RNF212: variants seen among roughly 807,000 people sequenced by gnomAD.
RNF212 encodes the protein ring finger protein 212.
Under a neutral mutation model 34.7 loss-of-function variants are expected in RNF212, and 33 were observed. The ratio of observed to expected loss-of-function variants is 0.95; its 90% confidence interval spans 0.72 to 1.27. The LOEUF (loss-of-function observed/expected upper bound fraction) is 1.27. RNF212 is among the 50% of genes most tolerant of loss of function. RNF212 has a pLI of 0.00. For missense variants in RNF212, 377 were observed against 362.2 expected, an observed-to-expected ratio of 1.04 and a Z score of -0.33; for synonymous variants, 140 against 136.1, an observed-to-expected ratio of 1.03 and a Z score of -0.20.
At chr4:1,103,473 G>A (rs954566728) in intron 2 of RNF212, among the ~76,000 whole-genome samples, 1 of 152,176 alleles carries the variant, frequency 6.6e-6, no homozygotes, top group Non-Finnish European at 1.5e-5. Context: ...GCTCTCATAT[G>A]AACATAGGTG....
Position 1,073,003 on chromosome 4 carries a change from T to C in RNF212, c.765A>G (p.Ile255Met). Residue 255 changes from isoleucine to methionine, a missense_variant, in exon 10 of 10, where the codon ATA (isoleucine) becomes ATG (methionine). Transcript: ENST00000433731. ...GELTNSKTLP[I>M]YAEVQRAVLF... Reference sequence around the variant, plus strand: ...AGACGGCCCTTTGTACCTCAGCATATATTGGAAGTGTTTTAGAGTTGGTGA... The same window carrying C: ...AGACGGCCCTTTGTACCTCAGCATACATTGGAAGTGTTTTAGAGTTGGTGA... 6.2e-7 allele frequency: 1 copy of C among 1,614,094 alleles called. No individual in the cohort carries two copies. Among genetic ancestry groups the C allele is most frequent in the Admixed American group, 1.7e-5 (1 of 60,012 alleles).
intron 4 of RNF212, among the ~76,000 whole-genome samples, chr4:1,058,146 A>C (rs1284246860): frequency 6.6e-6 from 1 of 152,132 alleles, no homozygotes; most frequent in African/African-American, 2.4e-5. Flanking sequence ...AAAGCAACAT[A>C]TTAAATTTTT....
chr4:1,061,330 T>C (rs960245329), intron 3 of RNF212, among the ~76,000 whole-genome samples: 1 of 152,060 alleles, frequency 6.6e-6, no homozygotes, highest in African/African-American at 2.4e-5. Flanking sequence ...GGGGAACGCT[T>C]TCATCAGCCA....
chr4:1,063,297 T>A (rs1717869315), intron 3 of RNF212, among the ~76,000 whole-genome samples: 1 of 152,150 alleles, frequency 6.6e-6, no homozygotes, highest in Non-Finnish European at 1.5e-5. Flanking sequence ...CTTCATAATT[T>A]CAAAAGTTAC....
At position 1,073,089 on chromosome 4, in the gene RNF212, T is replaced by C. The variant is rs1175660194; in HGVS notation, c.679A>G (p.Ile227Val). Residue 227 changes from isoleucine to valine, a missense_variant, in exon 10 of 10, where the codon ATA (isoleucine) becomes GTA (valine). Transcript: ENST00000433731. ...VISRGSPCFC[I>V]DVCPHWLLLL... ...AGCAGCCAGTGAGGACAGACGTCTA[T>C]GCAGAAACATGGTGAACCTCTGGAA... 1 of 1,614,172 alleles carries C rather than the reference T, an allele frequency of 6.2e-7. No individual in the cohort carries two copies. Among genetic ancestry groups the C allele is most frequent in the Admixed American group, 1.7e-5 (1 of 60,024 alleles).
At chr4:1,079,538 G>A (rs961153008) in intron 8 of RNF212, 105 bp downstream of exon 8, 10 of 822,232 alleles carry the variant, frequency 1.2e-5, no homozygotes, top group African/African-American at 3.3e-5. Context: ...ACTGTGCAAA[G>A]TCTGTCTACT....
intron 1 of RNF212, among the ~76,000 whole-genome samples, chr4:1,112,714 C>A (rs904153224): frequency 6.8e-6 from 1 of 146,378 alleles, no homozygotes. Context: ...CCCGCTCCCC[C>A]CGGCGGCCCC....
chr4:1,067,908 A>G (rs1718196841), downstream of RNF212, among the ~76,000 whole-genome samples: 1 of 151,958 alleles, frequency 6.6e-6, no homozygotes, highest in African/African-American at 2.4e-5. Flanking sequence ...GTGTAAGTCT[A>G]TCAAGAAAGT....
intron 4 of RNF212, among the ~76,000 whole-genome samples, chr4:1,090,377 T>C (rs1721995798): frequency 6.6e-6 from 1 of 152,186 alleles, no homozygotes; most frequent in Admixed American, 6.5e-5. Context: ...TTCCCTTGTC[T>C]TTAAAGCTGG....
chr4:1,094,108 C>T (rs1722664981), intron 3 of RNF212: 1 of 1,411,780 alleles, frequency 7.1e-7, no homozygotes, highest in East Asian at 2.5e-5. Flanking sequence ...GGCACAAGCC[C>T]ATGAAGGAGA....
intron 8 of RNF212, 178 bp from the exon 9 acceptor site, chr4:1,073,840 G>C: frequency 1.6e-6 from 1 of 624,168 alleles, no homozygotes; most frequent in Non-Finnish European, 2.9e-6. Context: ...CTGCCTGCTG[G>C]TGGTAGAGGT....
intron 8 of RNF212, 111 bp downstream of exon 8, chr4:1,079,532 T>C: frequency 1.2e-6 from 1 of 805,132 alleles, no homozygotes; most frequent in African/African-American, 1.7e-5. Flanking sequence ...AGCAGCACTG[T>C]GCAAAGTCTG....
chr4:1,108,118 C>T (rs1450108399), intron 2 of RNF212, among the ~76,000 whole-genome samples: 1 of 152,166 alleles, frequency 6.6e-6, no homozygotes, highest in Admixed American at 6.5e-5. Context: ...AGGAACACAG[C>T]ACGATTCAAC....
At chr4:1,096,652 C>G in intron 3 of RNF212, 113 bp downstream of exon 3, 2 of 737,694 alleles carry the variant, frequency 2.7e-6, no homozygotes, top group Middle Eastern at 2.5e-4. Flanking sequence ...TCCATGGTCT[C>G]GGGATAGTGC....
At chr4:1,113,647 A>G (rs143700023), upstream of RNF212, 3 of 487,544 alleles carry the variant, frequency 6.2e-6, no homozygotes, top group Non-Finnish European at 7.2e-6. Context: ...CTCCCGCAGC[A>G]CCTGGGAGGG....
chr4:1,097,487 C>T (rs1433970447), intron 2 of RNF212, among the ~76,000 whole-genome samples: 1 of 152,064 alleles, frequency 6.6e-6, no homozygotes, highest in East Asian at 1.9e-4. Flanking sequence ...CACCTGTAGT[C>T]CCAGCTACTC....
intron 8 of RNF212, among the ~76,000 whole-genome samples, chr4:1,078,894 C>A (rs552161096): frequency 6.7e-6 from 1 of 149,370 alleles, no homozygotes; most frequent in East Asian, 2.0e-4. Context: ...CGACATGGGA[C>A]CAACACAGGG....
intron 3 of RNF212, chr4:1,093,622 G>T: frequency 6.5e-7 from 1 of 1,535,902 alleles, no homozygotes; most frequent in East Asian, 2.4e-5. Context: ...GGGTCTGCTG[G>T]GTCTTCTCTC....
chr4:1,087,834 C>A (rs955049462), intron 4 of RNF212, among the ~76,000 whole-genome samples: 4 of 152,042 alleles, frequency 2.6e-5, no homozygotes, highest in East Asian at 3.9e-4. Flanking sequence ...CCCTCCACCC[C>A]CTCTCCTGCC....
Sources: allele counts gnomAD v4.1 joint callset (sites outside exome capture counted in the v4.1 genomes callset), GRCh38; gene constraint gnomAD v4.1.1; transcripts MANE v1.5; gene names NCBI Gene and HGNC (gene_info 2026-07-23, HGNC 2026-07-21).